Variants in CSMD1 observed in about 807,000 individuals in gnomAD.
CSMD1 encodes CUB and Sushi multiple domains 1.
A neutral mutation model predicts 417.5 loss-of-function variants in CSMD1; 213 were observed. The observed-to-expected ratio is 0.51, with a 90% CI of 0.46 to 0.57. The LOEUF (loss-of-function observed/expected upper bound fraction) is 0.57, where lower values mean the gene tolerates loss of function less well. Among genes scored for constraint, CSMD1 ranks in the 20% least tolerant of loss-of-function variants. The pLI, the probability that CSMD1 is intolerant of heterozygous loss-of-function variation, is 0.00. For missense variants in CSMD1, 6,923 were observed against 4,529.7 expected, an observed-to-expected ratio of 1.53 and a Z score of -15.17; for synonymous variants, 2,862 against 1,736.8, an observed-to-expected ratio of 1.65 and a Z score of -16.11.
At chr8:4,785,095 G>A (rs1003604457) in intron 1 of CSMD1, among the ~76,000 whole-genome samples, 2 of 152,204 alleles carry the variant, frequency 1.3e-5, no homozygotes, top group African/African-American at 2.4e-5. Context: ...TCTGGGTCAT[G>A]AGTGCCTTCT....
intron 3 of CSMD1, among the ~76,000 whole-genome samples, chr8:4,380,140 T>C (rs1025046552): frequency 6.6e-6 from 1 of 152,200 alleles, no homozygotes; most frequent in Non-Finnish European, 1.5e-5. Context: ...AAATAGTTTC[T>C]ACATATCTGC....
intron 12 of CSMD1, among the ~76,000 whole-genome samples, chr8:3,445,601 A>G (rs926459477): frequency 1.3e-5 from 2 of 152,186 alleles, no homozygotes; most frequent in East Asian, 3.9e-4. Flanking sequence ...ACAGACCACA[A>G]TAAAGAAGGC....
At chr8:4,012,957 C>T (rs899783453) in intron 4 of CSMD1, among the ~76,000 whole-genome samples, 1 of 152,148 alleles carries the variant, frequency 6.6e-6, no homozygotes, top group Non-Finnish European at 1.5e-5. Flanking sequence ...GTCTGGCCAT[C>T]TCCTCTGCTC....
intron 1 of CSMD1, among the ~76,000 whole-genome samples, chr8:4,895,156 C>CA (rs983525388): frequency 3.3e-5 from 5 of 152,038 alleles, no homozygotes; most frequent in Non-Finnish European, 7.4e-5. Flanking sequence ...CGCTTCTGTA[C>CA]AAAAAATAAT....
intron 37 of CSMD1, among the ~76,000 whole-genome samples, chr8:3,162,803 T>C (rs1819981247): frequency 6.6e-6 from 1 of 152,128 alleles, no homozygotes; most frequent in Non-Finnish European, 1.5e-5. Context: ...TCATGAACAG[T>C]CTGTTCTTCA....
chr8:3,643,965 A>C (rs1384194), intron 7 of CSMD1, among the ~76,000 whole-genome samples: 75,017 of 151,976 alleles, frequency 0.49, 18,894 homozygotes, highest in Middle Eastern at 0.63. Context: ...AGATAGGACA[A>C]TTCTAACAGA....
At chr8:3,353,451 C>A (rs1353943366) in intron 21 of CSMD1, among the ~76,000 whole-genome samples, 1 of 152,146 alleles carries the variant, frequency 6.6e-6, no homozygotes, top group African/African-American at 2.4e-5. Flanking sequence ...ATTTCCAAAG[C>A]TGTGCAGGTG....
chr8:3,453,574 G>C (rs1815897798), intron 12 of CSMD1, among the ~76,000 whole-genome samples: 2 of 152,142 alleles, frequency 1.3e-5, no homozygotes, highest in African/African-American at 4.8e-5. Context: ...TATGTACCAA[G>C]TAGTCATTGA....
chr8:4,051,757 G>C (rs925559950), intron 3 of CSMD1, among the ~76,000 whole-genome samples: 1 of 152,158 alleles, frequency 6.6e-6, no homozygotes, highest in Non-Finnish European at 1.5e-5. Context: ...ACCACTGCTG[G>C]TTTTGGTAGG....
chr8:4,788,742 T>C (rs1427109645), intron 1 of CSMD1, among the ~76,000 whole-genome samples: 1 of 151,764 alleles, frequency 6.6e-6, no homozygotes, highest in African/African-American at 2.4e-5. Flanking sequence ...CTAATAAACA[T>C]GAAAACCTAA....
At chr8:3,954,211 G>C (rs552163691) in intron 5 of CSMD1, among the ~76,000 whole-genome samples, 1 of 152,288 alleles carries the variant, frequency 6.6e-6, no homozygotes, top group East Asian at 1.9e-4. Flanking sequence ...GGGCATAAAG[G>C]AGAAAAAGAG....
intron 2 of CSMD1, among the ~76,000 whole-genome samples, chr8:4,590,371 C>T (rs989715533): frequency 2.0e-5 from 3 of 152,074 alleles, no homozygotes; most frequent in African/African-American, 7.2e-5. Flanking sequence ...CATACATGCT[C>T]AATCAACATG....
chr8:4,660,411 G>A (rs1804522918), intron 1 of CSMD1, among the ~76,000 whole-genome samples: 1 of 152,050 alleles, frequency 6.6e-6, no homozygotes, highest in Non-Finnish European at 1.5e-5. Context: ...AAGATACCAT[G>A]TCAGAAAAGT....
chr8:4,667,372 T>G (rs1805006835), intron 1 of CSMD1, among the ~76,000 whole-genome samples: 1 of 152,158 alleles, frequency 6.6e-6, no homozygotes, highest in Non-Finnish European at 1.5e-5. Flanking sequence ...GAGAGTGAAT[T>G]TGTCCTTTTC....
chr8:4,132,341 C>T (rs543264419), intron 3 of CSMD1, among the ~76,000 whole-genome samples: 1 of 151,814 alleles, frequency 6.6e-6, no homozygotes, highest in African/African-American at 2.4e-5. Flanking sequence ...ATATAAATGT[C>T]CTTTTCTGTA....
intron 1 of CSMD1, among the ~76,000 whole-genome samples, chr8:4,715,622 T>C (rs1388122694): frequency 1.3e-5 from 2 of 152,184 alleles, no homozygotes; most frequent in African/African-American, 4.8e-5. Flanking sequence ...AAAAATGATC[T>C]CCTGATTTTT....
intron 2 of CSMD1, among the ~76,000 whole-genome samples, chr8:4,441,260 G>GTTTTT (rs34935169): frequency 2.7e-4 from 18 of 66,994 alleles, no homozygotes; most frequent in East Asian, 5.6e-4. Flanking sequence ...ACTACACTCA[G>GTTTTT]TTTTTTTTTT....
chr8:4,870,650 G>A (rs989365148), intron 1 of CSMD1, among the ~76,000 whole-genome samples: 3 of 152,094 alleles, frequency 2.0e-5, no homozygotes, highest in African/African-American at 7.3e-5. Context: ...CACGAGTGAG[G>A]GAATGGAGAA....
chr8:3,328,000 T>C (rs1169062975), intron 23 of CSMD1, among the ~76,000 whole-genome samples: 3 of 152,148 alleles, frequency 2.0e-5, no homozygotes, highest in Admixed American at 6.5e-5. Flanking sequence ...ATCTCCAGCA[T>C]TGCCAGCCAA....
Sources: gnomAD v4.1 joint callset for allele counts (sites outside exome capture counted in the v4.1 genomes callset) on GRCh38, gnomAD v4.1.1 for gene constraint, MANE v1.5 for transcripts, NCBI Gene and HGNC (gene_info 2026-07-23, HGNC 2026-07-21) for gene names.